HM13: variants seen among roughly 807,000 people sequenced by gnomAD.
HM13 encodes the protein signal peptide peptidase.
HM13 carries 18 observed loss-of-function variants against 50.0 expected under a neutral mutation model. The observed-to-expected ratio is 0.36, with a 90% CI of 0.25 to 0.53. HM13 has a LOEUF of 0.53. Among genes scored for constraint, HM13 ranks in the 20% least tolerant of loss-of-function variants. The pLI is 0.90. For synonymous variants in HM13, 197 were observed against 232.6 expected, an observed-to-expected ratio of 0.85 and a Z score of 1.39; for missense variants, 393 against 552.4, an observed-to-expected ratio of 0.71 and a Z score of 2.89.
chr20:31,514,485 G>C lies in HM13; in HGVS notation c.-67G>C, dbSNP rs768820892. On this transcript the variant is annotated 5_prime_UTR_variant, in exon 1 of 13. Coordinates refer to ENST00000398174, the MANE Select transcript of HM13 (RefSeq NM_178581.3). The surrounding 1 kb of genome is among the most constrained non-coding windows in gnomAD (Gnocchi z 4.3). ...GGAACGTGGCTTTCCCTGCAGAGCCGGTGTCTCCGCCTGCGTCCCTGCTGC... is the reference window on the plus strand; with the variant it reads ...GGAACGTGGCTTTCCCTGCAGAGCCCGTGTCTCCGCCTGCGTCCCTGCTGC... 5.9e-6 allele frequency: 9 copies of C among 1,520,274 alleles called. No individual in the cohort carries two copies. The highest frequency in any genetic ancestry group is 4.0e-5 in the Admixed American group (2 of 50,520). The allele number at this position is 1,520,274 out of a possible 1,614,324, so 94.2% of individuals were successfully genotyped here.
At chr20:31,555,241 G>A (rs769126224) in intron 8 of HM13, among the ~76,000 whole-genome samples, 7 of 152,228 alleles carry the variant, frequency 4.6e-5, no homozygotes, top group African/African-American at 1.2e-4. Flanking sequence ...CATCACAGAT[G>A]TACCAGAATT....
At chr20:31,565,745 G>T (rs1414171892) in intron 10 of HM13, among the ~76,000 whole-genome samples, 1 of 152,130 alleles carries the variant, frequency 6.6e-6, no homozygotes, top group Non-Finnish European at 1.5e-5. Context: ...GAATCCTGGG[G>T]GAGCCAGTGA....
intron 10 of HM13, chr20:31,562,537 C>T (rs1488274570): frequency 6.6e-6 from 1 of 152,280 alleles, no homozygotes; most frequent in East Asian, 1.9e-4. Context: ...CAGCATTGAA[C>T]AGGGGCTAAG....
In HM13 at chr20:31,549,631, GAA is replaced by G. The variant is rs896908207; in HGVS notation, c.666+300_666+301del. 5.9e-5 allele frequency among the ~76,000 whole-genome samples: 9 copies of G among 152,316 alleles called. No homozygotes were observed. The South Asian group carries it at 1.0e-3, about 18-fold the overall frequency. ...CTTGGCAAGGGAGTTGAGACTCAAA[GAA>G]GTTCAGGTAGGGGTGGAAGAATGTT... On this transcript the variant is annotated intron_variant, in intron 6 of 12. Coordinates refer to ENST00000398174, the MANE Select transcript of HM13 (RefSeq NM_178581.3).
chr20:31,522,544 TAAAAAAAAACAAA>T (rs1423175243), intron 1 of HM13, among the ~76,000 whole-genome samples: 7 of 141,668 alleles, frequency 4.9e-5, no homozygotes, highest in Non-Finnish European at 9.3e-5. Context: ...AAAACTCCAC[TAAAAAAAAACAAA>T]AAAAAAAAAC....
chr20:31,533,848 T>G (rs1982959183), intron 2 of HM13, among the ~76,000 whole-genome samples: 1 of 152,174 alleles, frequency 6.6e-6, no homozygotes, highest in South Asian at 2.1e-4. Context: ...TCACCAATTG[T>G]GTTGTAAAAA....
chr20:31,560,575 G>T (rs1213756290), intron 9 of HM13, among the ~76,000 whole-genome samples: 2 of 152,210 alleles, frequency 1.3e-5, no homozygotes, highest in East Asian at 3.8e-4. Context: ...TGTAAGTAGA[G>T]GGATGTCTGT....
intron 3 of HM13, chr20:31,538,630 A>G: frequency 1.7e-6 from 2 of 1,196,420 alleles, no homozygotes; most frequent in Non-Finnish European, 1.0e-6. Context: ...CTCCTCACAC[A>G]TGATCGTGTT....
At chr20:31,566,104 C>T in intron 10 of HM13, 106 bp from the exon 11 acceptor site, 3 of 780,820 alleles carry the variant, frequency 3.8e-6, no homozygotes, top group Non-Finnish European at 6.4e-6. Flanking sequence ...GGTCCTGGAC[C>T]AGTCACTGTC....
intron 6 of HM13, among the ~76,000 whole-genome samples, 183 bp downstream of exon 6, chr20:31,549,515 A>G (rs746445629): frequency 2.6e-5 from 4 of 151,978 alleles, no homozygotes; most frequent in Non-Finnish European, 4.4e-5. Flanking sequence ...AGCAGATTCT[A>G]CCTCTTTCTG....
intron 3 of HM13, 22 bp from the exon 4 acceptor site, chr20:31,544,917 TTTGCCGAC>T (rs1983627688): frequency 6.2e-7 from 1 of 1,602,578 alleles, no homozygotes; most frequent in African/African-American, 1.3e-5. Flanking sequence ...GGGGGCTCTG[TTTGCCGAC>T]TTGCTTTGTC....
chr20:31,534,292 A>G (rs1026697206), intron 2 of HM13, among the ~76,000 whole-genome samples: 1 of 152,148 alleles, frequency 6.6e-6, no homozygotes, highest in Non-Finnish European at 1.5e-5. Flanking sequence ...GGAGGCATGC[A>G]TGCCACACAG....
At chr20:31,528,353 G>A (rs1035693167) in intron 2 of HM13, among the ~76,000 whole-genome samples, 5 of 152,040 alleles carry the variant, frequency 3.3e-5, no homozygotes, top group African/African-American at 7.2e-5. Context: ...GTCTCACTCC[G>A]TCCCCCAGGC....
chr20:31,561,492 A>T (rs1351082229), intron 9 of HM13, 142 bp from the exon 10 acceptor site: 1 of 657,840 alleles, frequency 1.5e-6, no homozygotes, highest in African/African-American at 1.8e-5. Context: ...ATCAGCGTGC[A>T]CACCCACCTC....
intron 3 of HM13, 89 bp from the exon 4 acceptor site, chr20:31,544,858 G>A (rs6059901): frequency 4.1e-6 from 4 of 974,598 alleles, no homozygotes; most frequent in South Asian, 1.3e-5. Context: ...ACAGCTGTAA[G>A]GGTGCCAGCT....
intron 1 of HM13, among the ~76,000 whole-genome samples, chr20:31,522,037 C>T (rs1982196449): frequency 1.3e-5 from 2 of 151,904 alleles, no homozygotes. Flanking sequence ...CAAAGGAGAC[C>T]AGAGTCCTCT....
chr20:31,567,911 T>C (rs1372076481), intron 11 of HM13, 167 bp from the exon 12 acceptor site: 5 of 635,316 alleles, frequency 7.9e-6, no homozygotes, highest in African/African-American at 5.5e-5. Context: ...TCTTTCTTTT[T>C]TCATTCTCCA....
intron 12 of HM13, 124 bp downstream of exon 12, chr20:31,568,348 GCTC>G: frequency 7.5e-7 from 1 of 1,328,556 alleles, no homozygotes; most frequent in Non-Finnish European, 1.0e-6. Context: ...CGCAAGAGCA[GCTC>G]CTCCACAACC....
At chr20:31,563,129 G>A (rs538514883) in intron 10 of HM13, 80 of 152,472 alleles carry the variant, frequency 5.2e-4, no homozygotes, top group African/African-American at 1.8e-3. Context: ...CACTACATCA[G>A]GCTGGGCCCT....
Sources: gnomAD v4.1 joint callset for allele counts (sites outside exome capture counted in the v4.1 genomes callset) on GRCh38, gnomAD v4.1.1 for gene constraint, Gnocchi (gnomAD v3.1) non-coding constraint, MANE v1.5 for transcripts, NCBI Gene and HGNC (gene_info 2026-07-23, HGNC 2026-07-21) for gene names.